NUDCD1: variants seen among roughly 807,000 people sequenced by gnomAD.
NUDCD1 encodes NudC domain containing 1.
NUDCD1 carries 60 observed loss-of-function variants against 67.8 expected under a neutral mutation model. That is an observed-to-expected ratio of 0.88 (90% CI 0.72 to 1.10). NUDCD1 has a LOEUF of 1.10. Among genes scored for constraint, NUDCD1 ranks in the 50% least tolerant of loss-of-function variants. The pLI is 0.00. For synonymous variants in NUDCD1, 244 were observed against 230.8 expected (o/e 1.06, Z -0.52); for missense variants, 643 against 695.0 (o/e 0.93, Z 0.84).
chr8:109,283,274 A>C (rs1814498959), intron 5 of NUDCD1, among the ~76,000 whole-genome samples: 2 of 152,204 alleles, frequency 1.3e-5, no homozygotes, highest in South Asian at 4.1e-4. Context: ...AAAAATGAAC[A>C]AAGTCTCTGA....
At chr8:109,249,305 A>G (rs1813570523) in intron 8 of NUDCD1, among the ~76,000 whole-genome samples, 1 of 152,216 alleles carries the variant, frequency 6.6e-6, no homozygotes, top group Non-Finnish European at 1.5e-5. Context: ...TTGTATATTA[A>G]TGGCATTTCA....
chr8:109,293,367 AC>A lies in NUDCD1; in HGVS notation c.616del (p.Val206SerfsTer39). On this transcript the variant is annotated frameshift_variant, in exon 4 of 10. Coordinates refer to ENST00000239690, the MANE Select transcript of NUDCD1 (RefSeq NM_032869.4). LOFTEE classifies it high-confidence loss of function. ...GSGFYVSLEWVTISKKNQDNK... is the reference protein window; with the variant it reads ...GSGFYVSLEWXTISKKNQDNK... ...ACCTTGATTTTTCTTACTGATAGTG[AC>A]CCACTCCAGAGAAACATAGAAACCA... 1.3e-6 allele frequency: 2 copies of A among 1,571,044 alleles called. No homozygotes were observed. The highest frequency in any genetic ancestry group is 2.8e-5 in the African/African-American group (2 of 72,394).
chr8:109,252,843 A>G (rs1418844960), intron 8 of NUDCD1, among the ~76,000 whole-genome samples: 1 of 152,196 alleles, frequency 6.6e-6, no homozygotes, highest in Non-Finnish European at 1.5e-5. Context: ...ATAATCCAGC[A>G]TTATTTTATT....
chr8:109,319,493 A>C (rs1171536676), intron 2 of NUDCD1, among the ~76,000 whole-genome samples: 1 of 152,220 alleles, frequency 6.6e-6, no homozygotes, highest in Non-Finnish European at 1.5e-5. Context: ...AATGGTGTGA[A>C]TATTCCTAGG....
At chr8:109,285,266 C>T (rs1438396314) in intron 5 of NUDCD1, among the ~76,000 whole-genome samples, 1 of 141,156 alleles carries the variant, frequency 7.1e-6, no homozygotes, top group Non-Finnish European at 1.6e-5. Context: ...TCTACTGAAA[C>T]TATTCCAAAA....
At chr8:109,248,714 G>GAAAAAAAAA (rs78072773) in intron 8 of NUDCD1, among the ~76,000 whole-genome samples, 1 of 99,990 alleles carries the variant, frequency 1.0e-5, no homozygotes. Context: ...CCACTGTTTG[G>GAAAAAAAAA]AAAAAAAAAA....
intron 8 of NUDCD1, among the ~76,000 whole-genome samples, chr8:109,255,886 A>C (rs551912433): frequency 1.3e-5 from 2 of 152,200 alleles, no homozygotes; most frequent in African/African-American, 2.4e-5. Context: ...AGGTTTGAAG[A>C]ACAGCATAAT....
chr8:109,324,404 A>C (rs993938147), intron 1 of NUDCD1, among the ~76,000 whole-genome samples: 2 of 152,086 alleles, frequency 1.3e-5, no homozygotes, highest in African/African-American at 4.8e-5. Flanking sequence ...AAAAAAAAAA[A>C]ATAACAAATG....
chr8:109,278,958 C>T (rs765041591), intron 6 of NUDCD1, among the ~76,000 whole-genome samples: 6 of 152,078 alleles, frequency 3.9e-5, no homozygotes, highest in Non-Finnish European at 5.9e-5. Flanking sequence ...GCAGGCAGAT[C>T]GCTTGAGGTC....
At chr8:109,273,981 A>G (rs1227807307) in intron 7 of NUDCD1, among the ~76,000 whole-genome samples, 1 of 152,158 alleles carries the variant, frequency 6.6e-6, no homozygotes, top group Non-Finnish European at 1.5e-5. Flanking sequence ...CATGACCAAG[A>G]CGGGCTTATC....
intron 2 of NUDCD1, among the ~76,000 whole-genome samples, chr8:109,297,293 AC>A (rs1457968518): frequency 1.3e-5 from 2 of 152,212 alleles, no homozygotes; most frequent in African/African-American, 4.8e-5. Context: ...CATTTAGCCT[AC>A]TATGAATCTA....
chr8:109,330,011 A>T (rs1461763741), intron 1 of NUDCD1: 28 of 877,008 alleles, frequency 3.2e-5, no homozygotes, highest in Non-Finnish European at 3.7e-5. Context: ...CTGAGGAAGT[A>T]ACATGTAAGC....
At chr8:109,261,362 C>CAT (rs1259077649) in intron 8 of NUDCD1, among the ~76,000 whole-genome samples, 1 of 151,966 alleles carries the variant, frequency 6.6e-6, no homozygotes, top group Non-Finnish European at 1.5e-5. Context: ...GAATAAATTA[C>CAT]ATATATATAC....
At chr8:109,243,909 T>A (rs1433782970) in intron 9 of NUDCD1, among the ~76,000 whole-genome samples, 1 of 152,140 alleles carries the variant, frequency 6.6e-6, no homozygotes, top group Non-Finnish European at 1.5e-5. Context: ...TTGATCACTA[T>A]AACTTCAAAA....
chr8:109,267,953 T>A (rs1814041899), intron 8 of NUDCD1, among the ~76,000 whole-genome samples: 2 of 152,176 alleles, frequency 1.3e-5, no homozygotes, highest in Non-Finnish European at 2.9e-5. Flanking sequence ...TTAGGGAAAA[T>A]TATGGAAAGC....
chr8:109,316,756 C>A (rs1473472146), intron 2 of NUDCD1, among the ~76,000 whole-genome samples: 3 of 152,164 alleles, frequency 2.0e-5, no homozygotes, highest in Non-Finnish European at 4.4e-5. Flanking sequence ...GGACCACAAG[C>A]AAAACCACCT....
At chr8:109,311,559 G>GTGTGTGTGTATATATATATA in intron 2 of NUDCD1, among the ~76,000 whole-genome samples, 3 of 125,120 alleles carry the variant, frequency 2.4e-5, no homozygotes, top group African/African-American at 1.0e-4. Flanking sequence ...AAACTGTGGT[G>GTGTGTGTGTATATATATATA]TATATATATA....
At chr8:109,262,325 G>A (rs1050979470) in intron 8 of NUDCD1, among the ~76,000 whole-genome samples, 3 of 152,188 alleles carry the variant, frequency 2.0e-5, no homozygotes, top group African/African-American at 7.2e-5. Context: ...AGGCAGCCAA[G>A]GCTGGGTGAG....
At chr8:109,276,083 GA>G (rs1371882362) in intron 6 of NUDCD1, among the ~76,000 whole-genome samples, 14 of 152,026 alleles carry the variant, frequency 9.2e-5, no homozygotes, top group Non-Finnish European at 2.1e-4. Context: ...GTAATACAGG[GA>G]AAAAAGATGT....
Sources: gnomAD v4.1 joint callset for allele counts (sites outside exome capture counted in the v4.1 genomes callset) on GRCh38, gnomAD v4.1.1 for gene constraint, MANE v1.5 for transcripts, NCBI Gene and HGNC (gene_info 2026-07-23, HGNC 2026-07-21) for gene names.